EMC1: variants seen among roughly 807,000 people sequenced by gnomAD.
EMC1 encodes the protein ER membrane protein complex subunit 1, also known as KIAA0090.
In EMC1, 103 loss-of-function variants were observed where a neutral mutation model predicts 128.8. The observed-to-expected ratio is 0.80, with a 90% CI of 0.68 to 0.94. EMC1 has a LOEUF of 0.94. Ranked by LOEUF, EMC1 falls within the 40% of genes least tolerant of loss-of-function variation. EMC1 has a pLI of 0.00. For synonymous variants in EMC1, 442 were observed against 490.4 expected (o/e 0.90, Z 1.30); for missense variants, 1,083 against 1,250.6 (o/e 0.87, Z 2.02).
intron 10 of EMC1, 63 bp downstream of exon 10, chr1:19,238,732 C>T: frequency 8.8e-7 from 1 of 1,141,890 alleles, no homozygotes; most frequent in African/African-American, 1.6e-5. Context: ...GCTCTTCCCC[C>T]AACTCTCTTT....
intron 18 of EMC1, among the ~76,000 whole-genome samples, chr1:19,224,617 C>G (rs983481200): frequency 6.6e-6 from 1 of 152,232 alleles, no homozygotes; most frequent in African/African-American, 2.4e-5. Flanking sequence ...CCATCAGCAC[C>G]TGGATGACCC....
At chr1:19,222,544 A>G in intron 20 of EMC1, 80 bp downstream of exon 20, 1 of 1,269,156 alleles carries the variant, frequency 7.9e-7, no homozygotes, top group Non-Finnish European at 1.1e-6. Context: ...AGGCTCTGCC[A>G]GCAATGTGTC....
intron 13 of EMC1, chr1:19,234,311 G>T: frequency 7.5e-6 from 2 of 267,742 alleles, no homozygotes; most frequent in Non-Finnish European, 1.2e-5. Context: ...TTGGAGGGCT[G>T]GATGAATGGA....
At chr1:19,220,597 C>T (rs1291381195) in intron 21 of EMC1, 167 bp downstream of exon 21, 1 of 499,446 alleles carries the variant, frequency 2.0e-6, no homozygotes, top group East Asian at 3.1e-5. Flanking sequence ...CATTTCCCAG[C>T]AGACTGTAAG....
In EMC1 at chr1:19,238,996, C is replaced by A. The variant is rs570746092; in HGVS notation, c.1027-139G>T. The A allele has an allele frequency of 3.0e-5, 23 of 755,452 alleles. No individual in the cohort carries two copies. In the African/African-American group the frequency reaches 3.7e-4, roughly 12 times the overall value. The allele number at this position is 755,452 out of a possible 1,614,324, so 46.8% of individuals were successfully genotyped here. A position where few individuals can be genotyped will look rare whatever the true frequency, so the allele number is the denominator to read the frequency against. Reference sequence around the variant, plus strand: ...CTCACCCCTGCCCACAAAGCCTATTCAACCCTTAATAGCCCCATATGAAAG... The same window carrying A: ...CTCACCCCTGCCCACAAAGCCTATTAAACCCTTAATAGCCCCATATGAAAG... On this transcript the variant is annotated intron_variant, in intron 9 of 22. Transcript: ENST00000477853.
chr1:19,220,713 G>A, intron 21 of EMC1, 51 bp downstream of exon 21: 1 of 1,413,012 alleles, frequency 7.1e-7, no homozygotes, highest in South Asian at 1.2e-5. Flanking sequence ...TAATCAGTGA[G>A]GTTAAGTTAT....
At chr1:19,220,874 C>A (rs753701713) in intron 20 of EMC1, 26 bp from the exon 21 acceptor site, 11 of 1,545,408 alleles carry the variant, frequency 7.1e-6, no homozygotes, top group Non-Finnish European at 8.9e-6. Context: ...TGAATGTTCA[C>A]ACCGATCCAG....
rs997096906 is a variant in EMC1 at position 19,217,263 on chromosome 1, C to T, written c.*2040G>A. ...GCATTAGCATTAACTATTTTAAGCA[C>T]TTGGCCAAGCTCGGTGGCTCACACC... On this transcript the variant is annotated 3_prime_UTR_variant, in exon 23 of 23. Transcript: ENST00000477853. The T allele has an allele frequency of 1.3e-5, 2 of 152,152 alleles. No individual in the cohort carries two copies. Among genetic ancestry groups the T allele is most frequent in the African/African-American group, 4.8e-5 (2 of 41,416 alleles). The allele number at this position is 152,152 out of a possible 1,614,324, so 9.4% of individuals were successfully genotyped here. A position where few individuals can be genotyped will look rare whatever the true frequency, so the allele number is the denominator to read the frequency against.
chr1:19,247,992 C>G (rs2093639243), intron 1 of EMC1, among the ~76,000 whole-genome samples: 1 of 151,094 alleles, frequency 6.6e-6, no homozygotes, highest in African/African-American at 2.4e-5. Context: ...CCACTTCACT[C>G]CAGGCTGAGC....
chr1:19,248,591 C>T (rs77227844), intron 1 of EMC1, among the ~76,000 whole-genome samples: 3,224 of 151,840 alleles, frequency 0.021, 100 homozygotes, highest in Admixed American at 0.092. Context: ...AGCTAATTTT[C>T]GTATTTTTAG....
chr1:19,235,180 G>C lies in EMC1; in HGVS notation c.1382C>G (p.Pro461Arg). The C allele has an allele frequency of 6.2e-7, 1 of 1,614,026 alleles. No homozygotes were observed. The highest frequency in any genetic ancestry group is 8.5e-7 in the Non-Finnish European group (1 of 1,179,934). The change falls in exon 13 of 23, where the codon CCC (proline) becomes CGC (arginine). Residue 461 changes from proline to arginine, a missense_variant. Coordinates refer to ENST00000477853, the MANE Select transcript of EMC1 (RefSeq NM_015047.3). ...CAGCTCGGCCTGTGCCCCAGTCAGG[G>C]GGAGGTCCACCATCTCTAGGCACAC... is the stretch of plus-strand genomic sequence containing the variant. ...EVVCLEMVDL[P>R]LTGAQAELEG... is the part of the protein sequence containing the mutation.
chr1:19,248,813 T>G (rs901646184), intron 1 of EMC1, among the ~76,000 whole-genome samples: 1 of 152,180 alleles, frequency 6.6e-6, no homozygotes, highest in Non-Finnish European at 1.5e-5. Context: ...GCCCGGCCTG[T>G]GTCTTAGTTT....
intron 17 of EMC1, 54 bp downstream of exon 17, chr1:19,230,790 A>T (rs1254848667): frequency 1.2e-6 from 2 of 1,607,680 alleles, no homozygotes; most frequent in African/African-American, 2.7e-5. Flanking sequence ...CCAAATGGCC[A>T]GGAAACACCT....
At chr1:19,232,571 A>G in intron 15 of EMC1, 53 bp downstream of exon 15, 1 of 1,608,360 alleles carries the variant, frequency 6.2e-7, no homozygotes, top group Non-Finnish European at 8.5e-7. Context: ...TAAGTTACAA[A>G]ATAGCAAAAA....
chr1:19,240,929 C>A, intron 6 of EMC1, 87 bp downstream of exon 6: 8 of 1,504,182 alleles, frequency 5.3e-6, no homozygotes, highest in Non-Finnish European at 6.3e-6. Flanking sequence ...ATCTGCCCAG[C>A]CAAGTTCCCT....
intron 21 of EMC1, chr1:19,220,535 G>A (rs1353210359): frequency 5.5e-6 from 2 of 361,238 alleles, no homozygotes; most frequent in African/African-American, 2.1e-5. Context: ...CTTAGCATTT[G>A]AGTACCTAAC....
chr1:19,232,643 G>A lies in EMC1; in HGVS notation c.1763C>T (p.Thr588Ile), dbSNP rs1352321030. ...CCTCACCTTGTCCTTCACCAGCAGG[G>A]TGCACTGTGGGGGATGGGGGAAATG... ...TAHFPHPPQC[T>I]LLVKDKESGM... is the part of the protein sequence containing the mutation. The change falls in exon 15 of 23, where the codon ACC (threonine) becomes ATC (isoleucine). Residue 588 changes from threonine to isoleucine, a missense_variant. Physicochemically the swap from Thr to Ile is moderately conservative, Grantham distance 89. Transcript: ENST00000477853. 1 of 1,614,138 alleles carries A rather than the reference G, an allele frequency of 6.2e-7. No homozygotes were observed. The highest frequency in any genetic ancestry group is 1.3e-5 in the African/African-American group (1 of 75,044).
rs1365620590 is a variant in EMC1 at position 19,222,669 on chromosome 1, C to T, written c.2542G>A (p.Glu848Lys). The change falls in exon 20 of 23, where the codon GAG becomes AAG. Residue 848 changes from glutamate to lysine, a missense_variant. This residue lies in a region of EMC1 where 527 missense variants were observed against 644.1 expected (regional missense o/e 0.82). Coordinates refer to ENST00000477853, the MANE Select transcript of EMC1 (RefSeq NM_015047.3). The stretch of plus-strand genomic sequence containing the variant: ...ATGCCCCGTTCGGTGATGGTGGCCT[C>T]CATGGCACTGATGGAGGACGGGAAG... ...YIFPSSISAM[E>K]ATITERGITS... The T allele has an allele frequency of 1.9e-6, 3 of 1,613,980 alleles. No homozygotes were observed. The highest frequency in any genetic ancestry group is 3.3e-5 in the Admixed American group (2 of 59,990).
intron 6 of EMC1, 54 bp from the exon 7 acceptor site, chr1:19,240,500 T>G: frequency 6.2e-7 from 1 of 1,600,134 alleles, no homozygotes; most frequent in Non-Finnish European, 8.6e-7. Context: ...TACATTTCCC[T>G]CTCAGCCCAA....
Sources: gnomAD v4.1 joint callset for allele counts (sites outside exome capture counted in the v4.1 genomes callset) on GRCh38, gnomAD v4.1.1 for gene constraint, gnomAD v4.1.1 regional missense constraint, MANE v1.5 for transcripts, NCBI Gene and HGNC (gene_info 2026-07-23, HGNC 2026-07-21) for gene names.